Variants in ADARB2 observed in about 807,000 individuals in gnomAD.
ADARB2 encodes inactive double-stranded RNA-specific editase B2.
Under a neutral mutation model 62.2 loss-of-function variants are expected in ADARB2, and 25 were observed. That is an observed-to-expected ratio of 0.40 (90% CI 0.29 to 0.56). The LOEUF (loss-of-function observed/expected upper bound fraction) is 0.56. Among genes scored for constraint, ADARB2 ranks in the 20% least tolerant of loss-of-function variants. ADARB2 has a pLI of 0.43. For missense variants in ADARB2, 1,071 were observed against 1,077.4 expected (o/e 0.99, Z 0.08); for synonymous variants, 572 against 500.8 (o/e 1.14, Z -1.90).
intron 1 of ADARB2, among the ~76,000 whole-genome samples, chr10:1,723,647 C>A (rs1375626218): frequency 6.6e-6 from 1 of 152,196 alleles, no homozygotes; most frequent in Non-Finnish European, 1.5e-5. Context: ...CAGGGGACAG[C>A]AGCCCTTCTT....
chr10:1,706,729 G>A (rs1185356323), intron 1 of ADARB2, among the ~76,000 whole-genome samples: 3 of 152,174 alleles, frequency 2.0e-5, no homozygotes, highest in Non-Finnish European at 4.4e-5. Context: ...CTGCCTGTGT[G>A]TGAAGTCAAA....
intron 1 of ADARB2, among the ~76,000 whole-genome samples, chr10:1,633,353 A>G (rs12267329): frequency 0.4 from 60,672 of 152,022 alleles, 12,727 homozygotes; most frequent in African/African-American, 0.52. Context: ...ATAGTTCAAA[A>G]CTTTTTCAGT....
intron 1 of ADARB2, among the ~76,000 whole-genome samples, chr10:1,551,012 A>G (rs1379146788): frequency 2.0e-5 from 3 of 151,786 alleles, no homozygotes; most frequent in Admixed American, 2.0e-4. Context: ...GGAAACCCTG[A>G]CTCCCAGGAC....
intron 1 of ADARB2, among the ~76,000 whole-genome samples, chr10:1,608,917 G>T (rs1460797915): frequency 6.6e-6 from 1 of 152,164 alleles, no homozygotes; most frequent in East Asian, 1.9e-4. Context: ...CCTGCAGGGT[G>T]CCGGATGGCC....
chr10:1,620,969 A>T (rs538838344), intron 1 of ADARB2, among the ~76,000 whole-genome samples: 22 of 152,342 alleles, frequency 1.4e-4, no homozygotes, highest in African/African-American at 5.3e-4. Flanking sequence ...CAAGCTATAA[A>T]AGGGCATATA....
chr10:1,211,936 C>T (rs1225451012), intron 7 of ADARB2, among the ~76,000 whole-genome samples: 1 of 152,148 alleles, frequency 6.6e-6, no homozygotes, highest in Non-Finnish European at 1.5e-5. Flanking sequence ...ATTTGACAAC[C>T]ACCTTTCAAA....
chr10:1,521,928 G>A (rs1244491465), intron 1 of ADARB2, among the ~76,000 whole-genome samples: 1 of 152,094 alleles, frequency 6.6e-6, no homozygotes, highest in East Asian at 1.9e-4. Context: ...TTGGACACAT[G>A]TTCTCAGGAT....
Position 1,478,701 on chromosome 10 carries a change from C to T in ADARB2, c.101-99541G>A, listed in dbSNP as rs187134448. On this transcript the variant is annotated intron_variant, in intron 1 of 9. Coordinates refer to ENST00000381312, the MANE Select transcript of ADARB2 (RefSeq NM_018702.4). ...GAGCACCAAAACAAGGACCCTCGGA[C>T]GGGAGAGCGCCAAAACAAGGACCCT... 7.1e-3 allele frequency among the ~76,000 whole-genome samples: 1,057 copies of T among 149,802 alleles called. 11 individuals carry two copies. The highest frequency in any genetic ancestry group is 0.022 in the African/African-American group (914 of 40,632).
intron 1 of ADARB2, among the ~76,000 whole-genome samples, chr10:1,536,245 C>T (rs567934016): frequency 1.6e-4 from 24 of 152,234 alleles, no homozygotes; most frequent in African/African-American, 4.6e-4. Flanking sequence ...AGAAAGAGAC[C>T]GGGCTCTTGC....
intron 1 of ADARB2, among the ~76,000 whole-genome samples, chr10:1,406,160 C>T (rs958152666): frequency 6.6e-6 from 1 of 152,206 alleles, no homozygotes; most frequent in African/African-American, 2.4e-5. Flanking sequence ...ATTTTCACTG[C>T]GATGAGCTTG....
intron 1 of ADARB2, among the ~76,000 whole-genome samples, chr10:1,516,630 TTTATGCCTTAATA>T (rs2131948646): frequency 6.6e-6 from 1 of 152,308 alleles, no homozygotes; most frequent in Admixed American, 6.5e-5. Context: ...GCCCTCCCGT[TTTATGCCTTAATA>T]AGGGCTAGAA....
At chr10:1,705,726 G>C (rs141658472) in intron 1 of ADARB2, among the ~76,000 whole-genome samples, 1 of 152,176 alleles carries the variant, frequency 6.6e-6, no homozygotes, top group South Asian at 2.1e-4. Flanking sequence ...ACAAAGAAGC[G>C]TGTGAGGCCT....
At chr10:1,592,822 T>A (rs867011954) in intron 1 of ADARB2, among the ~76,000 whole-genome samples, 3 of 8,386 alleles carry the variant, frequency 3.6e-4, no homozygotes, top group South Asian at 4.2e-3. Context: ...TCACCCAGCT[T>A]CCCTCGCCCA....
intron 1 of ADARB2, among the ~76,000 whole-genome samples, chr10:1,673,312 T>TTGTG (rs1373662397): frequency 1.4e-4 from 10 of 72,282 alleles, no homozygotes; most frequent in East Asian, 4.7e-4. Flanking sequence ...AGATTTCATT[T>TTGTG]TATGTGTGTG....
At chr10:1,449,007 G>A (rs1262264778) in intron 1 of ADARB2, among the ~76,000 whole-genome samples, 3 of 152,154 alleles carry the variant, frequency 2.0e-5, no homozygotes, top group Admixed American at 6.5e-5. Flanking sequence ...CTGGAGAAGC[G>A]AGTTCGGGGA....
At chr10:1,324,705 C>T (rs1398849506) in intron 3 of ADARB2, among the ~76,000 whole-genome samples, 1 of 152,034 alleles carries the variant, frequency 6.6e-6, no homozygotes, top group East Asian at 1.9e-4. Flanking sequence ...GAGAACAGAC[C>T]AGTGGCCACC....
chr10:1,627,067 C>G (rs1224200750), intron 1 of ADARB2, among the ~76,000 whole-genome samples: 1 of 152,092 alleles, frequency 6.6e-6, no homozygotes, highest in Non-Finnish European at 1.5e-5. Flanking sequence ...GGCCTGGACG[C>G]CTCTCCCTCC....
chr10:1,353,032 A>G (rs1231758009), intron 3 of ADARB2, among the ~76,000 whole-genome samples: 1 of 152,150 alleles, frequency 6.6e-6, no homozygotes, highest in Non-Finnish European at 1.5e-5. Flanking sequence ...TTTCCGTTGT[A>G]GAAATCTATC....
At chr10:1,433,881 T>G (rs1028916572) in intron 1 of ADARB2, among the ~76,000 whole-genome samples, 1 of 152,208 alleles carries the variant, frequency 6.6e-6, no homozygotes, top group African/African-American at 2.4e-5. Flanking sequence ...AATCAAAGTT[T>G]CCGCTAAGAT....
Sources: allele counts gnomAD v4.1 joint callset (sites outside exome capture counted in the v4.1 genomes callset), GRCh38; gene constraint gnomAD v4.1.1; transcripts MANE v1.5; gene names NCBI Gene and HGNC (gene_info 2026-07-23, HGNC 2026-07-21).